ACRBP: variants seen among roughly 807,000 people sequenced by gnomAD.
The protein encoded by ACRBP is acrosin-binding protein.
ACRBP carries 52 observed loss-of-function variants against 69.0 expected under a neutral mutation model. The ratio of observed to expected loss-of-function variants is 0.75; its 90% confidence interval spans 0.60 to 0.95. ACRBP has a LOEUF of 0.95. Ranked by LOEUF, ACRBP falls within the 40% of genes least tolerant of loss-of-function variation. ACRBP has a pLI of 0.00. For synonymous variants in ACRBP, 267 were observed against 258.9 expected, an observed-to-expected ratio of 1.03 and a Z score of -0.30; for missense variants, 604 against 673.0, an observed-to-expected ratio of 0.90 and a Z score of 1.13.
chr12:6,643,059 A>G (rs1592307308), intron 6 of ACRBP, among the ~76,000 whole-genome samples: 2 of 152,210 alleles, frequency 1.3e-5, no homozygotes, highest in East Asian at 3.9e-4. Context: ...CTAGACAAAC[A>G]TGGGCAACAA....
chr12:6,645,209 G>C lies in ACRBP; in HGVS notation c.475+11C>G, dbSNP rs1227700491. 2 of 1,595,806 alleles carry C rather than the reference G, an allele frequency of 1.3e-6. No individual in the cohort carries two copies. Among genetic ancestry groups the C allele is most frequent in the Non-Finnish European group, 1.7e-6 (2 of 1,166,244 alleles). ...TAGCTGGTGGTCTCCCGGCTGCTGA[G>C]AGGGTCTCACCTGTGAAGTGGGGTG... On this transcript the variant is annotated intron_variant, in intron 4 of 9. Coordinates refer to ENST00000229243, the MANE Select transcript of ACRBP (RefSeq NM_032489.3).
chr12:6,645,928 G>C (rs1949084668), intron 3 of ACRBP, among the ~76,000 whole-genome samples: 1 of 151,722 alleles, frequency 6.6e-6, no homozygotes, highest in Non-Finnish European at 1.5e-5. Context: ...CCAAAGTGCT[G>C]GGATTACAGG....
chr12:6,638,378 A>G lies in ACRBP; in HGVS notation c.1536T>C (p.Asn512=). ...CAGGGCTCAGCGCACTGTAAGTCTC[A>G]TTCTGCAGACATCTCATGCGGGACA... is the stretch of plus-strand genomic sequence containing the variant. ...RKVSRMRCLQ[N]ETYSALSPGK... is the part of the protein sequence containing the mutation. Residue 512 remains asparagine (N), a synonymous_variant, in exon 10 of 10, where the codon AAT becomes AAC. Transcript: ENST00000229243. The G allele has an allele frequency of 6.2e-7, 1 of 1,614,058 alleles. No homozygotes were observed. The highest frequency in any genetic ancestry group is 1.3e-5 in the African/African-American group (1 of 75,026).
chr12:6,645,397 T>G (rs950856003), intron 3 of ACRBP, 60 bp from the exon 4 acceptor site: 4 of 1,338,062 alleles, frequency 3.0e-6, no homozygotes, highest in Non-Finnish European at 3.2e-6. Context: ...CTGCTCCAGC[T>G]GGTTCTTCAA....
chr12:6,645,313 A>T lies in ACRBP; in HGVS notation c.382T>A (p.Ser128Thr), dbSNP rs35729062. ...AKRVLCSQPV[S>T]ILSPNTLKEI... ...TTGAGAGTGTTAGGTGAGAGAATAG[A>T]GACTGGCTGGGAACACAGGACTCTC... is the stretch of plus-strand genomic sequence containing the variant. The change falls in exon 4 of 10, where the codon TCT (serine) becomes ACT (threonine). Residue 128 changes from serine to threonine, a missense_variant. Ser to Thr is a moderately conservative substitution (Grantham distance 58, BLOSUM62 1). Transcript: ENST00000229243. The T allele has an allele frequency of 1.7e-3, 2,801 of 1,613,630 alleles. 38 individuals carry two copies. The African/African-American group carries it at 0.032, about 18-fold the overall frequency.
Position 6,643,555 on chromosome 12 carries a change from A to G in ACRBP, c.1061T>C (p.Leu354Pro). 6.2e-7 allele frequency: 1 copy of G among 1,614,172 alleles called. No homozygotes were observed. Among genetic ancestry groups the G allele is most frequent in the Non-Finnish European group, 8.5e-7 (1 of 1,180,006 alleles). ...KAWKYMEEEI[L>P]GFGKSVCDSL... The stretch of plus-strand genomic sequence containing the variant: ...CTGGCATACCGACTTCCCGAAACCA[A>G]GGATCTCCTCCTCCATGTACTTCCA... Residue 354 changes from leucine (L) to proline (P), a missense_variant, in exon 6 of 10, where the codon CTT (leucine) becomes CCT (proline). Transcript: ENST00000229243.
chr12:6,638,953 C>A lies in ACRBP; in HGVS notation c.1509+1G>T. 6.2e-7 allele frequency: 1 copy of A among 1,613,858 alleles called. No homozygotes were observed. Among genetic ancestry groups the A allele is most frequent in the Non-Finnish European group, 8.5e-7 (1 of 1,179,908 alleles). On this transcript the variant is annotated splice_donor_variant, in intron 9 of 9. Coordinates refer to ENST00000229243, the MANE Select transcript of ACRBP (RefSeq NM_032489.3). LOFTEE classifies it high-confidence loss of function. ...AGGAGGGGCAGGGCAGGGGTGCTCA[C>A]CTTCCGATTGCGGTTTCTCATCAGA...
intron 5 of ACRBP, 52 bp from the exon 6 acceptor site, chr12:6,643,723 A>C (rs1203297369): frequency 6.2e-7 from 1 of 1,600,566 alleles, no homozygotes; most frequent in Non-Finnish European, 8.5e-7. Context: ...CCCGGGCAGG[A>C]AACTACATCC....
In ACRBP at chr12:6,646,947, G is replaced by C. The variant is rs1357195350; in HGVS notation, c.109C>G (p.Pro37Ala). The C allele has an allele frequency of 6.2e-7, 1 of 1,613,656 alleles. No homozygotes were observed. The highest frequency in any genetic ancestry group is 8.5e-7 in the Non-Finnish European group (1 of 1,180,020). ...CGTTCGTATTCGGTAGGAGAGAGAGGGCTGCCTGGAGTGGAGGCCTGAGTC... is the reference window on the plus strand; with the variant it reads ...CGTTCGTATTCGGTAGGAGAGAGAGCGCTGCCTGGAGTGGAGGCCTGAGTC... ...DSTQASTPGS[P>A]LSPTEYERFF... is the part of the protein sequence containing the mutation. Residue 37 changes from proline (P) to alanine (A), a missense_variant, in exon 2 of 10, where the codon CCT becomes GCT. Physicochemically the swap from Pro to Ala is conservative, Grantham distance 27. This residue lies in a region of ACRBP where 532 missense variants were observed against 562.9 expected (regional missense o/e 0.95). Transcript: ENST00000229243.
rs1395577297 is a variant in ACRBP, at chr12:6,639,028, T to C, written c.1435A>G (p.Thr479Ala). The change falls in exon 9 of 10, where the codon ACA (threonine) becomes GCA (alanine). Residue 479 changes from threonine to alanine, a missense_variant. This residue lies in a region of ACRBP where 21 missense variants were observed against 50.0 expected (regional missense o/e 0.42). Coordinates refer to ENST00000229243, the MANE Select transcript of ACRBP (RefSeq NM_032489.3). Reference sequence around the variant, plus strand: ...TAGTTTGGGTACTGGATATAGTCTGTGTCACAAATCTAAGCCAAGAGCCAG... The same window carrying C: ...TAGTTTGGGTACTGGATATAGTCTGCGTCACAAATCTAAGCCAAGAGCCAG... ...DGDFPTKICD[T>A]DYIQYPNYCS... The C allele has an allele frequency of 6.2e-7, 1 of 1,614,086 alleles. No individual in the cohort carries two copies. The highest frequency in any genetic ancestry group is 1.1e-5 in the South Asian group (1 of 91,088).
Position 6,640,121 on chromosome 12 carries a change from C to T in ACRBP, c.1364G>A (p.Arg455Gln), listed in dbSNP as rs143977947. The change falls in exon 8 of 10, where the codon CGA becomes CAA. Residue 455 changes from arginine (R) to glutamine (Q), a missense_variant. By Grantham distance (43) the Arg-to-Gln change is conservative. Around this residue, in one of 3 missense-constraint regions of ACRBP, gnomAD observed 532 missense variants for 562.9 expected, o/e 0.95. Transcript: ENST00000229243. The surrounding 1 kb of genome is among the most constrained non-coding windows in gnomAD (Gnocchi z 5.3). ...CTCAGTCTGGAGCCACCCAGAGACT[C>T]GGACATCTTCACAGCCTTTCGTGGC... is the stretch of plus-strand genomic sequence containing the variant. ...RLATKGCEDV[R>Q]VSGWLQTEFL... is the part of the protein sequence containing the mutation. The T allele has an allele frequency of 2.5e-5, 41 of 1,614,090 alleles. No homozygotes were observed. The highest frequency in any genetic ancestry group is 1.8e-4 in the East Asian group (8 of 44,892).
chr12:6,638,858 T>A, intron 9 of ACRBP, 96 bp downstream of exon 9: 1 of 1,585,076 alleles, frequency 6.3e-7, no homozygotes. Context: ...GCTTTCCACA[T>A]CCTAGCTGCT....
At chr12:6,644,104 C>A in intron 5 of ACRBP, 33 bp downstream of exon 5, 1 of 1,537,650 alleles carries the variant, frequency 6.5e-7, no homozygotes. Flanking sequence ...GAAGGGAGGG[C>A]AGGGTGGATG....
Position 6,638,093 on chromosome 12 carries a change from G to T in ACRBP, c.*189C>A, listed in dbSNP as rs988007817. The T allele has an allele frequency of 4.2e-6, 3 of 716,646 alleles. No individual in the cohort carries two copies. Among genetic ancestry groups the T allele is most frequent in the Non-Finnish European group, 6.7e-6 (3 of 445,966 alleles). The allele number at this position is 716,646 out of a possible 1,614,324, so 44.4% of individuals were successfully genotyped here. On this transcript the variant is annotated 3_prime_UTR_variant, in exon 10 of 10. Coordinates refer to ENST00000229243, the MANE Select transcript of ACRBP (RefSeq NM_032489.3). ...CACAGGCTGAAGATCAACATTTTAT[G>T]TAAAGTCATCTTTTAAGGAGGGCGC... is the stretch of plus-strand genomic sequence containing the variant.
chr12:6,641,957 C>A (rs1949056174), intron 6 of ACRBP, among the ~76,000 whole-genome samples: 1 of 152,210 alleles, frequency 6.6e-6, no homozygotes, highest in Non-Finnish European at 1.5e-5. Flanking sequence ...TATCAGGAAT[C>A]TTCTACCAAG....
intron 5 of ACRBP, chr12:6,643,905 A>G: frequency 9.7e-7 from 1 of 1,026,318 alleles, no homozygotes; most frequent in Non-Finnish European, 1.4e-6. Context: ...CAGAGACAAG[A>G]CCAGAACCCA....
intron 2 of ACRBP, 50 bp from the exon 3 acceptor site, chr12:6,646,627 G>C (rs752003877): frequency 1.9e-5 from 30 of 1,571,970 alleles, no homozygotes; most frequent in Admixed American, 3.3e-5. Context: ...AGCTTGGGGT[G>C]GGGCTGTGGG....
rs1169159638 is a variant in ACRBP, at chr12:6,643,691, A to AGGGTGGGGCTGGGCC, written c.945-35_945-21dup. 1 of 1,610,664 alleles carries AGGGTGGGGCTGGGCC rather than the reference A, an allele frequency of 6.2e-7. No homozygotes were observed. The highest frequency in any genetic ancestry group is 8.5e-7 in the Non-Finnish European group (1 of 1,177,418). ...AGGAGGCTGCAAGAAGACAGCACTG[A>AGGGTGGGGCTGGGCC]GGGTGGGGCTGGGCCAGGTGGCCCG... is the stretch of plus-strand genomic sequence containing the variant. On this transcript the variant is annotated intron_variant, in intron 5 of 9. Coordinates refer to ENST00000229243, the MANE Select transcript of ACRBP (RefSeq NM_032489.3).
rs750146719 is a variant in ACRBP, at chr12:6,640,481, G to A, written c.1119C>T (p.Ala373=). The A allele has an allele frequency of 1.2e-5, 19 of 1,614,152 alleles. No homozygotes were observed. Among genetic ancestry groups the A allele is most frequent in the Non-Finnish European group, 1.5e-5 (18 of 1,180,016 alleles). ...SLGRRHMSTC[A]LCDFCSLKLE... is the part of the protein sequence containing the mutation. ...GCTTCAAGGAGCAGAAGTCACAGAG[G>A]GCACAGGTAGACATGTGTCGCCGCC... is the stretch of plus-strand genomic sequence containing the variant. The change falls in exon 7 of 10, where the codon GCC becomes GCT. Residue 373 remains alanine, a synonymous_variant. Coordinates refer to ENST00000229243, the MANE Select transcript of ACRBP (RefSeq NM_032489.3). This position sits in a 1 kb window ranked among gnomAD's most constrained non-coding sequence, Gnocchi z 5.3.
Sources: gnomAD v4.1 joint callset for allele counts (sites outside exome capture counted in the v4.1 genomes callset) on GRCh38, gnomAD v4.1.1 for gene constraint, gnomAD v4.1.1 regional missense constraint, Gnocchi (gnomAD v3.1) non-coding constraint, MANE v1.5 for transcripts, NCBI Gene and HGNC (gene_info 2026-07-23, HGNC 2026-07-21) for gene names.